Variants in EYS observed in about 807,000 individuals in gnomAD.
The protein encoded by EYS is EGF-like photoreceptor maintenance factor.
EYS carries 250 observed loss-of-function variants against 282.1 expected under a neutral mutation model. The ratio of observed to expected loss-of-function variants is 0.89; its 90% CI spans 0.80 to 0.98. EYS has a LOEUF of 0.98. Among genes scored for constraint, EYS ranks in the 50% least tolerant of loss-of-function variants. The pLI, the probability that EYS is intolerant of heterozygous loss-of-function variation, is 0.00. For missense variants in EYS, 4,016 were observed against 3,709.0 expected, an observed-to-expected ratio of 1.08 and a Z score of -2.15; for synonymous variants, 1,355 against 1,282.9, an observed-to-expected ratio of 1.06 and a Z score of -1.20.
At chr6:64,088,696 A>G (rs1055000931) in intron 31 of EYS, among the ~76,000 whole-genome samples, 1 of 152,120 alleles carries the variant, frequency 6.6e-6, no homozygotes, top group African/African-American at 2.4e-5. Context: ...ATCAATAACA[A>G]CTCATTGAAA....
chr6:64,417,369 C>CTAGA (rs1299802183), intron 28 of EYS, among the ~76,000 whole-genome samples: 5 of 152,042 alleles, frequency 3.3e-5, no homozygotes, highest in Non-Finnish European at 7.4e-5. Context: ...GGTAGCAGTG[C>CTAGA]TAGAATTTGC....
chr6:65,401,455 A>G (rs2150363118), intron 7 of EYS, among the ~76,000 whole-genome samples: 1 of 151,308 alleles, frequency 6.6e-6, no homozygotes, highest in Middle Eastern at 3.4e-3. Context: ...TAGCACATTG[A>G]GGCATAGAAA....
intron 28 of EYS, among the ~76,000 whole-genome samples, chr6:64,433,815 A>C (rs1355617808): frequency 6.6e-6 from 1 of 152,048 alleles, no homozygotes; most frequent in Non-Finnish European, 1.5e-5. Context: ...AAAAATACAG[A>C]CTGTCCATGT....
intron 36 of EYS, among the ~76,000 whole-genome samples, chr6:63,852,036 A>C (rs1204357927): frequency 6.6e-6 from 1 of 151,186 alleles, no homozygotes; most frequent in Non-Finnish European, 1.5e-5. Context: ...GGGCACCTGT[A>C]GTCCCAGCTA....
intron 12 of EYS, among the ~76,000 whole-genome samples, chr6:65,212,226 G>A (rs1473428894): frequency 6.6e-6 from 1 of 151,852 alleles, no homozygotes; most frequent in African/African-American, 2.4e-5. Context: ...TACTATACAA[G>A]AATACAAACA....
chr6:65,657,553 A>G (rs1055812334), intron 1 of EYS, among the ~76,000 whole-genome samples: 2 of 151,860 alleles, frequency 1.3e-5, no homozygotes, highest in African/African-American at 4.8e-5. Flanking sequence ...AGAGGAGCTG[A>G]AAGATGTGAC....
intron 30 of EYS, among the ~76,000 whole-genome samples, chr6:64,294,820 T>C (rs1768851570): frequency 6.6e-6 from 1 of 152,196 alleles, no homozygotes; most frequent in South Asian, 2.1e-4. Flanking sequence ...GAAACAGTGG[T>C]AACACTAACT....
At chr6:65,636,725 C>T (rs1767101451) in intron 2 of EYS, among the ~76,000 whole-genome samples, 1 of 152,066 alleles carries the variant, frequency 6.6e-6, no homozygotes, top group South Asian at 2.1e-4. Context: ...AATTTATGTA[C>T]TATAATATAC....
At position 64,591,314 on chromosome 6, in the gene EYS, G is replaced by A. The variant is rs1283602309; in HGVS notation, c.4553C>T (p.Thr1518Ile). 1.9e-6 allele frequency: 3 copies of A among 1,551,258 alleles called. No homozygotes were observed. The highest frequency in any genetic ancestry group is 2.6e-6 in the Non-Finnish European group (3 of 1,146,786). ...LNSSALHRFS[T>I]KAFNPSEYQA... ...ATATTCACTGGGATTGAAGGCTTTT[G>A]TACTGAACCGGTGCAGAGCTGATGA... The change falls in exon 26 of 43, where the codon ACA (threonine) becomes ATA (isoleucine). Residue 1518 changes from threonine (T) to isoleucine (I), a missense_variant. Transcript: ENST00000503581.
At chr6:65,518,571 T>C (rs533021396) in intron 2 of EYS, among the ~76,000 whole-genome samples, 3 of 152,306 alleles carry the variant, frequency 2.0e-5, no homozygotes, top group South Asian at 2.1e-4. Flanking sequence ...CTTTAGGTCA[T>C]GCAAAATTGT....
chr6:63,848,314 T>G (rs967073135), intron 36 of EYS, among the ~76,000 whole-genome samples: 1 of 152,064 alleles, frequency 6.6e-6, no homozygotes, highest in African/African-American at 2.4e-5. Flanking sequence ...TTAAGTAAAC[T>G]TAATTGTATT....
At chr6:64,661,069 C>T (rs562004517) in intron 22 of EYS, among the ~76,000 whole-genome samples, 14 of 152,130 alleles carry the variant, frequency 9.2e-5, no homozygotes, top group Non-Finnish European at 1.6e-4. Flanking sequence ...ACAGAGCCCT[C>T]AGAAATAATG....
chr6:64,432,162 T>C lies in EYS; in HGVS notation c.5927+4012A>G, dbSNP rs201371807. Among the ~76,000 whole-genome samples, 63 of 152,204 alleles carry C rather than the reference T, an allele frequency of 4.1e-4. No homozygotes were observed. In the East Asian group the frequency reaches 0.012, roughly 28 times the overall value. ...CAGAGTTTGTAGAATAGGAACCACC[T>C]GCTGCCAAAGGGCCAAACCAATAAA... is the stretch of plus-strand genomic sequence containing the variant. On this transcript the variant is annotated intron_variant, in intron 28 of 42. Transcript: ENST00000503581.
At chr6:65,214,424 C>G (rs1021792938) in intron 12 of EYS, among the ~76,000 whole-genome samples, 1 of 152,110 alleles carries the variant, frequency 6.6e-6, no homozygotes, top group Admixed American at 6.5e-5. Context: ...GGGCAAGGCC[C>G]TAAGTGTCTT....
At chr6:64,319,011 T>C (rs1374161451) in intron 29 of EYS, among the ~76,000 whole-genome samples, 1 of 151,988 alleles carries the variant, frequency 6.6e-6, no homozygotes, top group Non-Finnish European at 1.5e-5. Flanking sequence ...ATCTTATTCA[T>C]TGTATCTAAT....
At chr6:63,936,481 G>T (rs771271327) in intron 35 of EYS, among the ~76,000 whole-genome samples, 7 of 152,060 alleles carry the variant, frequency 4.6e-5, no homozygotes, top group Non-Finnish European at 8.8e-5. Flanking sequence ...CTCCCCTAAA[G>T]CCCCCAGCTT....
intron 37 of EYS, among the ~76,000 whole-genome samples, chr6:63,790,696 A>G (rs1391340533): frequency 6.6e-6 from 1 of 152,222 alleles, no homozygotes; most frequent in Non-Finnish European, 1.5e-5. Context: ...AAACAATACT[A>G]GAGATTGGAG....
chr6:64,002,642 C>T (rs1170851040), intron 33 of EYS, among the ~76,000 whole-genome samples: 1 of 152,166 alleles, frequency 6.6e-6, no homozygotes, highest in Non-Finnish European at 1.5e-5. Context: ...AGGCACATCC[C>T]TGTCACATGT....
At chr6:64,751,696 T>G (rs1772763708) in intron 22 of EYS, among the ~76,000 whole-genome samples, 1 of 152,222 alleles carries the variant, frequency 6.6e-6, no homozygotes, top group African/African-American at 2.4e-5. Context: ...CCTATTTGTC[T>G]GGAGGTGGAA....
Sources: gnomAD v4.1 joint callset for allele counts (sites outside exome capture counted in the v4.1 genomes callset) on GRCh38, gnomAD v4.1.1 for gene constraint, MANE v1.5 for transcripts, NCBI Gene and HGNC (gene_info 2026-07-23, HGNC 2026-07-21) for gene names.